SAMD7: variants seen among roughly 807,000 people sequenced by gnomAD.
The protein encoded by SAMD7 is sterile alpha motif domain containing 7, also known as sterile alpha motif domain-containing protein 7.
SAMD7 carries 34 observed loss-of-function variants against 36.7 expected under a neutral mutation model. That is an observed-to-expected ratio of 0.93 (90% CI 0.71 to 1.23). The LOEUF is 1.23. Among genes scored for constraint, SAMD7 ranks in the 50% most tolerant of loss-of-function variants. SAMD7 has a pLI of 0.00. For synonymous variants in SAMD7, 188 were observed against 189.7 expected, an observed-to-expected ratio of 0.99 and a Z score of 0.07; for missense variants, 570 against 546.6, an observed-to-expected ratio of 1.04 and a Z score of -0.43.
At chr3:169,911,940 G>A (rs1182100912) in intron 1 of SAMD7, 119 bp downstream of exon 1, 2 of 152,220 alleles carry the variant, frequency 1.3e-5, no homozygotes, top group South Asian at 2.1e-4. Context: ...TTAGGTTTAT[G>A]TGTAGACTTT....
At position 169,926,534 on chromosome 3, in the gene SAMD7, T is replaced by C; in HGVS notation, c.291-19T>C. The C allele has an allele frequency of 6.3e-7, 1 of 1,590,888 alleles. No individual in the cohort carries two copies. Among genetic ancestry groups the C allele is most frequent in the Non-Finnish European group, 8.6e-7 (1 of 1,166,898 alleles). On this transcript the variant is annotated intron_variant, in intron 5 of 8. Coordinates refer to ENST00000335556, the MANE Select transcript of SAMD7 (RefSeq NM_001304366.2). ...AGTGGTTTTCTTGGGCTGTATAAAA[T>C]ATATTGTTTTGTTTTTAGGACAGAA...
intron 8 of SAMD7, among the ~76,000 whole-genome samples, chr3:169,937,845 A>T (rs1332543629): frequency 3.3e-5 from 5 of 152,174 alleles, no homozygotes; most frequent in African/African-American, 1.2e-4. Context: ...TGGCCTTCTA[A>T]CTGCTCTCCC....
intron 5 of SAMD7, chr3:169,926,242 G>T (rs1381834189): frequency 7.5e-7 from 1 of 1,330,080 alleles, no homozygotes; most frequent in South Asian, 1.2e-5. Context: ...AGTACTTTAG[G>T]TTTTTTGAGG....
At chr3:169,925,249 C>G in intron 5 of SAMD7, 113 bp downstream of exon 5, 2 of 618,484 alleles carry the variant, frequency 3.2e-6, no homozygotes, top group Non-Finnish European at 5.4e-6. Context: ...AATAAATACA[C>G]ACACACAAAT....
intron 2 of SAMD7, among the ~76,000 whole-genome samples, chr3:169,918,153 G>A (rs991778416): frequency 1.3e-5 from 2 of 149,746 alleles, no homozygotes; most frequent in African/African-American, 2.5e-5. Context: ...GGCCAGGTTC[G>A]TCTTGAACTC....
intron 5 of SAMD7, 148 bp downstream of exon 5, chr3:169,925,284 G>T: frequency 1.9e-6 from 1 of 530,442 alleles, no homozygotes; most frequent in Non-Finnish European, 3.2e-6. Flanking sequence ...ATTTCAGGCA[G>T]ATTACAAAAA....
Position 169,927,115 on chromosome 3 carries a change from C to A in SAMD7, c.853C>A (p.Gln285Lys). The change falls in exon 6 of 9, where the codon CAG becomes AAG. Residue 285 changes from glutamine to lysine, a missense_variant. Transcript: ENST00000335556. ...CGATGGGAAAGAGGAGGCTTCGGAGCAGATTTTTGCAACCTGTGATGAAAA... is the reference window on the plus strand; with the variant it reads ...CGATGGGAAAGAGGAGGCTTCGGAGAAGATTTTTGCAACCTGTGATGAAAA... The part of the protein sequence containing the change: ...WDDGKEEASE[Q>K]IFATCDEKNG... 1 of 1,578,632 alleles carries A rather than the reference C, an allele frequency of 6.3e-7. No individual in the cohort carries two copies. The highest frequency in any genetic ancestry group is 8.6e-7 in the Non-Finnish European group (1 of 1,168,598).
At chr3:169,912,638 G>T (rs901171408) in intron 1 of SAMD7, among the ~76,000 whole-genome samples, 1 of 152,126 alleles carries the variant, frequency 6.6e-6, no homozygotes, top group African/African-American at 2.4e-5. Context: ...GACATTTCAA[G>T]AAGACATGGA....
Position 169,921,219 on chromosome 3 carries a change from T to C in SAMD7, c.92T>C (p.Val31Ala). 6.2e-7 allele frequency: 1 copy of C among 1,613,956 alleles called. No homozygotes were observed. The highest frequency in any genetic ancestry group is 8.5e-7 in the Non-Finnish European group (1 of 1,179,800). Residue 31 changes from valine (V) to alanine (A), a missense_variant, in exon 4 of 9, where the codon GTA (valine) becomes GCA (alanine). Transcript: ENST00000335556. ...PFGPPTVDRD[V>A]LPSTVAPTDP... is the part of the protein sequence containing the mutation. ...TTATATCTTTTTGTTCTCAGAGATG[T>C]ATTGCCTTCCACCGTAGCTCCAACT...
At chr3:169,921,750 C>T (rs953003192) in intron 4 of SAMD7, among the ~76,000 whole-genome samples, 4 of 152,174 alleles carry the variant, frequency 2.6e-5, no homozygotes, top group African/African-American at 9.7e-5. Flanking sequence ...AAAAGAGCAA[C>T]ATGGTCTGAC....
chr3:169,921,074 C>G, intron 3 of SAMD7, 140 bp from the exon 4 acceptor site: 1 of 744,202 alleles, frequency 1.3e-6, no homozygotes, highest in Non-Finnish European at 2.2e-6. Context: ...TTCATAAAGA[C>G]TCCAGGACTT....
chr3:169,928,150 C>G (rs935720307), intron 6 of SAMD7, among the ~76,000 whole-genome samples: 3 of 152,202 alleles, frequency 2.0e-5, no homozygotes, highest in South Asian at 2.1e-4. Context: ...AATCACCTAT[C>G]ACGAAAACAT....
intron 1 of SAMD7, among the ~76,000 whole-genome samples, 173 bp from the exon 2 acceptor site, chr3:169,915,194 C>G (rs1169503140): frequency 6.6e-6 from 1 of 152,238 alleles, no homozygotes; most frequent in Admixed American, 6.5e-5. Flanking sequence ...CCATAGGTTT[C>G]TTAGAGGGCT....
Position 169,927,069 on chromosome 3 carries a change from C to G in SAMD7, c.807C>G (p.Thr269=), listed in dbSNP as rs765222563. The G allele has an allele frequency of 6.8e-6, 11 of 1,611,010 alleles. No individual in the cohort carries two copies. Among genetic ancestry groups the G allele is most frequent in the South Asian group, 2.2e-5 (2 of 90,882 alleles). The change falls in exon 6 of 9, where the codon ACC becomes ACG. Residue 269 remains threonine, a synonymous_variant. Transcript: ENST00000335556. ...AACCCTGGGGGTCTCACACCACTAC[C>G]CTGAAAGCAAAGGCCTGGGACGATG... ...HRKPWGSHTT[T]LKAKAWDDGK... is the part of the protein sequence containing the mutation.
At chr3:169,924,762 C>G (rs1239312299) in intron 4 of SAMD7, among the ~76,000 whole-genome samples, 3 of 152,116 alleles carry the variant, frequency 2.0e-5, no homozygotes, top group African/African-American at 7.2e-5. Context: ...GCACAGATCA[C>G]GAGATTCACA....
chr3:169,922,812 T>C (rs1266365526), intron 4 of SAMD7, among the ~76,000 whole-genome samples: 1 of 29,038 alleles, frequency 3.4e-5, no homozygotes, highest in African/African-American at 4.6e-4. Flanking sequence ...TTTAACACTT[T>C]TTGTGGTCAG....
At chr3:169,925,008 GC>G (rs1177036685) in intron 4 of SAMD7, 49 bp from the exon 5 acceptor site, 4 of 1,033,354 alleles carry the variant, frequency 3.9e-6, no homozygotes, top group Non-Finnish European at 5.8e-6. Flanking sequence ...ATTTTCAAAT[GC>G]ATGTTTTTAA....
chr3:169,921,869 AGATTAT>A (rs1713057626), intron 4 of SAMD7, among the ~76,000 whole-genome samples: 1 of 152,256 alleles, frequency 6.6e-6, no homozygotes, highest in South Asian at 2.1e-4. Flanking sequence ...AATAGCTAAA[AGATTAT>A]GACAGCTTGG....
intron 4 of SAMD7, among the ~76,000 whole-genome samples, chr3:169,924,326 C>T (rs190098925): frequency 2.2e-4 from 33 of 152,038 alleles, no homozygotes; most frequent in Admixed American, 1.0e-3. Context: ...CAGTGGCTCA[C>T]GCCTGTAATC....
Sources: allele counts gnomAD v4.1 joint callset (sites outside exome capture counted in the v4.1 genomes callset), GRCh38; gene constraint gnomAD v4.1.1; transcripts MANE v1.5; gene names NCBI Gene and HGNC (gene_info 2026-07-23, HGNC 2026-07-21).